The following PDIA6 variants were observed in gnomAD, a reference collection of about 807,000 sequenced individuals.
PDIA6 encodes the protein protein disulfide isomerase family A member 6.
A neutral mutation model predicts 58.4 loss-of-function variants in PDIA6; 29 were observed. The observed-to-expected ratio is 0.50, with a 90% confidence interval of 0.37 to 0.68. PDIA6 has a LOEUF of 0.68. Ranked by LOEUF, PDIA6 falls within the 30% of genes least tolerant of loss-of-function variation. The pLI is 0.00. For synonymous variants in PDIA6, 192 were observed against 202.6 expected (o/e 0.95, Z 0.44); for missense variants, 480 against 551.0 (o/e 0.87, Z 1.29).
intron 1 of PDIA6, among the ~76,000 whole-genome samples, chr2:10,825,490 A>G: frequency 6.6e-6 from 1 of 152,254 alleles, no homozygotes; most frequent in East Asian, 1.9e-4. Flanking sequence ...TTTGGAATTC[A>G]TCAAATTAAA....
chr2:10,794,039 T>C (rs1365700779), intron 4 of PDIA6, among the ~76,000 whole-genome samples: 2 of 152,194 alleles, frequency 1.3e-5, no homozygotes, highest in South Asian at 2.1e-4. Flanking sequence ...CAAAAACTTA[T>C]TTGCTCAAGA....
At chr2:10,811,904 G>A (rs1044694419) in intron 1 of PDIA6, among the ~76,000 whole-genome samples, 44 of 152,314 alleles carry the variant, frequency 2.9e-4, no homozygotes, top group Middle Eastern at 3.4e-3. Context: ...TCAGGACTGA[G>A]ATTTAACATT....
chr2:10,825,359 T>C (rs1468092039), intron 1 of PDIA6, among the ~76,000 whole-genome samples: 2 of 152,212 alleles, frequency 1.3e-5, no homozygotes, highest in Middle Eastern at 3.2e-3. Flanking sequence ...ACTAATACGG[T>C]ATCTTAAAAT....
intron 4 of PDIA6, among the ~76,000 whole-genome samples, chr2:10,794,460 AAAT>A (rs201201337): frequency 0.48 from 67,801 of 140,976 alleles, 18,214 homozygotes; most frequent in Middle Eastern, 0.58. Flanking sequence ...AAAAAAAAAA[AAAT>A]CTTTCTTTTT....
intron 1 of PDIA6, among the ~76,000 whole-genome samples, chr2:10,811,353 G>C (rs1434532886): frequency 6.6e-6 from 1 of 152,158 alleles, no homozygotes; most frequent in Non-Finnish European, 1.5e-5. Context: ...AATACAATGA[G>C]ACCCTGACTC....
chr2:10,833,222 C>T (rs1247951638), upstream of PDIA6, among the ~76,000 whole-genome samples: 1 of 152,178 alleles, frequency 6.6e-6, no homozygotes, highest in African/African-American at 2.4e-5. Context: ...GGCCTCTAGT[C>T]TCACTTTGGC....
intron 1 of PDIA6, among the ~76,000 whole-genome samples, chr2:10,827,362 C>G (rs949917833): frequency 6.6e-6 from 1 of 152,136 alleles, no homozygotes; most frequent in Non-Finnish European, 1.5e-5. Flanking sequence ...CGCACCCAGC[C>G]TTATTTACAT....
intron 1 of PDIA6, among the ~76,000 whole-genome samples, chr2:10,824,156 GA>G (rs1667482457): frequency 1.3e-5 from 2 of 151,638 alleles, no homozygotes; most frequent in African/African-American, 4.9e-5. Flanking sequence ...TACTGTAGTG[GA>G]TGCTGTGGTA....
intron 7 of PDIA6, among the ~76,000 whole-genome samples, 173 bp downstream of exon 7, chr2:10,790,546 G>T (rs1029728140): frequency 1.3e-5 from 2 of 152,218 alleles, no homozygotes; most frequent in African/African-American, 4.8e-5. Flanking sequence ...GGGAAAAGTT[G>T]ACAGTCCTGA....
Position 10,784,254 on chromosome 2 carries a change from G to C in PDIA6, c.*4C>G. On this transcript the variant is annotated 3_prime_UTR_variant, in exon 13 of 13. Coordinates refer to ENST00000272227, the MANE Select transcript of PDIA6 (RefSeq NM_005742.4). ...AAAATGGTCTGAAGCCTCTGTTGTG[G>C]CTCTCACAACTCATCTTTCCCTAAG... 6.2e-7 allele frequency: 1 copy of C among 1,608,614 alleles called. No homozygotes were observed. The highest frequency in any genetic ancestry group is 1.7e-4 in the Middle Eastern group (1 of 6,048).
At chr2:10,807,964 A>G (rs17456162) in intron 1 of PDIA6, among the ~76,000 whole-genome samples, 21,740 of 152,240 alleles carry the variant, frequency 0.14, 1,993 homozygotes, top group Non-Finnish European at 0.21. Flanking sequence ...AGCTTTTCCT[A>G]TTACACCATG....
intron 1 of PDIA6, chr2:10,823,349 G>A (rs150611035): frequency 6.6e-6 from 1 of 152,338 alleles, no homozygotes; most frequent in East Asian, 1.9e-4. Context: ...GGACTCCCAG[G>A]AGGTTACTTC....
intron 2 of PDIA6, among the ~76,000 whole-genome samples, chr2:10,818,166 CTTT>C (rs571475237): frequency 6.9e-6 from 1 of 144,720 alleles, no homozygotes; most frequent in Non-Finnish European, 1.5e-5. Context: ...ACCACTTTAA[CTTT>C]TTTTTTTTTT....
rs1160995198 is a variant in PDIA6, at chr2:10,812,728, G to A, written c.-32C>T. 6.7e-6 allele frequency: 10 copies of A among 1,485,080 alleles called. No individual in the cohort carries two copies. Among genetic ancestry groups the A allele is most frequent in the East Asian group, 5.8e-5 (2 of 34,398 alleles). 92.0% of individuals were successfully genotyped at this position (1,485,080 alleles called of 1,614,324 possible). A position where few individuals can be genotyped will look rare whatever the true frequency, so the allele number is the denominator to read the frequency against. ...CGCCGGGCTACGTGCAGTCCCCACC[G>A]CCGCCGCCGCTTCAGCCCTGCAGCG... On this transcript the variant is annotated 5_prime_UTR_variant, in exon 1 of 13. Coordinates refer to ENST00000272227, the MANE Select transcript of PDIA6 (RefSeq NM_005742.4).
intron 1 of PDIA6, among the ~76,000 whole-genome samples, chr2:10,826,041 C>A (rs979829099): frequency 6.6e-6 from 1 of 152,228 alleles, no homozygotes; most frequent in African/African-American, 2.4e-5. Context: ...CAACATTATT[C>A]ATCATAATCA....
intron 4 of PDIA6, among the ~76,000 whole-genome samples, chr2:10,793,569 G>A (rs980905394): frequency 2.6e-5 from 4 of 151,972 alleles, no homozygotes; most frequent in African/African-American, 4.8e-5. Flanking sequence ...TCACCATGTC[G>A]GCCAGGCTGG....
rs1189947361 is a variant in PDIA6 at position 10,787,383 on chromosome 2, C to T, written c.1055G>A (p.Gly352Glu). The change falls in exon 11 of 13, where the codon GGA becomes GAA. Residue 352 changes from glycine (G) to glutamate (E), a missense_variant. Gly to Glu is a moderately conservative substitution (Grantham distance 98). Coordinates refer to ENST00000272227, the MANE Select transcript of PDIA6 (RefSeq NM_005742.4). ...QSELETALGIGGFGYPAMAAI... is the reference protein window; with the variant it reads ...QSELETALGIEGFGYPAMAAI... ...GGCCATGGCGGGGTACCCAAACCCTCCAATCCCCAACGCGGTCTCAAGTTC... is the reference window on the plus strand; with the variant it reads ...GGCCATGGCGGGGTACCCAAACCCTTCAATCCCCAACGCGGTCTCAAGTTC... 6.2e-7 allele frequency: 1 copy of T among 1,614,040 alleles called. No individual in the cohort carries two copies. The highest frequency in any genetic ancestry group is 8.5e-7 in the Non-Finnish European group (1 of 1,180,022).
chr2:10,824,557 CAG>C (rs1667496836), intron 1 of PDIA6, among the ~76,000 whole-genome samples: 1 of 152,254 alleles, frequency 6.6e-6, no homozygotes, highest in Non-Finnish European at 1.5e-5. Flanking sequence ...ATAAACCAAT[CAG>C]AGTGAAGCTC....
At chr2:10,815,202 A>G (rs1667155778), upstream of PDIA6, among the ~76,000 whole-genome samples, 3 of 152,180 alleles carry the variant, frequency 2.0e-5, no homozygotes, top group Non-Finnish European at 4.4e-5. Context: ...CTGGAAATGC[A>G]CAGGCTTCCG....
Sources: allele counts gnomAD v4.1 joint callset (sites outside exome capture counted in the v4.1 genomes callset), GRCh38; gene constraint gnomAD v4.1.1; transcripts MANE v1.5; gene names NCBI Gene and HGNC (gene_info 2026-07-23, HGNC 2026-07-21).